Variants in SOCS2 observed in about 807,000 individuals in gnomAD.
SOCS2 encodes CIS-2.
A neutral mutation model predicts 18.6 loss-of-function variants in SOCS2; 10 were observed. That is an observed-to-expected ratio of 0.54 (90% CI 0.33 to 0.91). The LOEUF (loss-of-function observed/expected upper bound fraction) is 0.91, where lower values mean the gene tolerates loss of function less well. Ranked by LOEUF, SOCS2 falls within the 40% of genes least tolerant of loss-of-function variation. The probability of loss-of-function intolerance (pLI) is 0.02; values close to 1 mark genes in which losing one functional copy is unlikely to be tolerated. For missense variants in SOCS2, 231 were observed against 247.2 expected (o/e 0.93, Z 0.44); for synonymous variants, 104 against 104.0 (o/e 1.00, Z 0.00).
chr12:93,609,315 C>A, the SOCS2 span, among the ~76,000 whole-genome samples: 1 of 151,926 alleles, frequency 6.6e-6, no homozygotes, highest in Non-Finnish European at 1.5e-5. Flanking sequence ...TTGCTTGAAC[C>A]CGGGAGACAG....
chr12:93,605,596 C>T, the SOCS2 span, among the ~76,000 whole-genome samples: 8 of 152,182 alleles, frequency 5.3e-5, no homozygotes, highest in East Asian at 1.9e-4. Context: ...GCACCTCCTC[C>T]GCCAATCAGG....
chr12:93,616,503 A>G, the SOCS2 span, among the ~76,000 whole-genome samples: 2 of 152,172 alleles, frequency 1.3e-5, no homozygotes, highest in Non-Finnish European at 2.9e-5. Flanking sequence ...ACTTTCCACT[A>G]GTTAGCCTAA....
the SOCS2 span, among the ~76,000 whole-genome samples, chr12:93,604,964 A>AT: frequency 0.053 from 7,493 of 142,614 alleles, 470 homozygotes; most frequent in African/African-American, 0.15. Flanking sequence ...GCCGGCCTGG[A>AT]TTTTTTTTTT....
At chr12:93,609,380 GA>G in the SOCS2 span, among the ~76,000 whole-genome samples, 1 of 151,942 alleles carries the variant, frequency 6.6e-6, no homozygotes, top group African/African-American at 2.4e-5. Context: ...CAACAAGAGT[GA>G]AACTCCATCT....
At chr12:93,590,197 T>C in the SOCS2 span, among the ~76,000 whole-genome samples, 1 of 151,482 alleles carries the variant, frequency 6.6e-6, no homozygotes, top group African/African-American at 2.4e-5. Context: ...ATCGCGCCAC[T>C]GCACTCCAGA....
upstream of SOCS2, chr12:93,571,699 C>T (rs936481283): frequency 6.8e-4 from 194 of 286,278 alleles, no homozygotes; most frequent in African/African-American, 4.3e-3. Flanking sequence ...GTGCCCTCTG[C>T]GCACGGAACT....
the SOCS2 span, among the ~76,000 whole-genome samples, chr12:93,620,946 G>A: frequency 0.045 from 6,886 of 152,148 alleles, 169 homozygotes; most frequent in Non-Finnish European, 0.064. Flanking sequence ...CTATCCATTC[G>A]TCCAGCCATA....
the SOCS2 span, among the ~76,000 whole-genome samples, chr12:93,602,917 A>G: frequency 6.6e-6 from 1 of 152,174 alleles, no homozygotes; most frequent in South Asian, 2.1e-4. Flanking sequence ...GTAGTTTTCT[A>G]GGTGAAGTAG....
chr12:93,625,054 G>T, the SOCS2 span, among the ~76,000 whole-genome samples: 1 of 152,200 alleles, frequency 6.6e-6, no homozygotes, highest in Admixed American at 6.5e-5. Flanking sequence ...GAAGACCCCA[G>T]TGTTTTCCCC....
chr12:93,616,962 C>T, the SOCS2 span, among the ~76,000 whole-genome samples: 10 of 152,280 alleles, frequency 6.6e-5, no homozygotes, highest in Non-Finnish European at 1.3e-4. Flanking sequence ...CCTCTCATGA[C>T]TCACCTAAGG....
chr12:93,617,782 A>G, the SOCS2 span, among the ~76,000 whole-genome samples: 1 of 152,260 alleles, frequency 6.6e-6, no homozygotes, highest in Non-Finnish European at 1.5e-5. Flanking sequence ...TCAGAATCAC[A>G]GTGCAAGTTG....
chr12:93,597,944 A>G, the SOCS2 span, among the ~76,000 whole-genome samples: 8,587 of 152,284 alleles, frequency 0.056, 818 homozygotes, highest in African/African-American at 0.2. Context: ...AAAAATTCAC[A>G]TAAGTCAACA....
the SOCS2 span, among the ~76,000 whole-genome samples, chr12:93,595,568 C>T: frequency 1.3e-5 from 2 of 152,228 alleles, no homozygotes; most frequent in Non-Finnish European, 2.9e-5. Flanking sequence ...GCTCCTTCTC[C>T]TCTCACAGAT....
At position 93,574,916 on chromosome 12, in the gene SOCS2, G is replaced by A; in HGVS notation, c.334G>A (p.Val112Ile). 1 of 1,614,182 alleles carries A rather than the reference G, an allele frequency of 6.2e-7. No individual in the cohort carries two copies. The highest frequency in any genetic ancestry group is 8.5e-7 in the Non-Finnish European group (1 of 1,180,038). The change falls in exon 2 of 2, where the codon GTC becomes ATC. Residue 112 changes from valine (V) to isoleucine (I), a missense_variant. By Grantham distance (29) the Val-to-Ile change is conservative. Around this residue, in one of 3 missense-constraint regions of SOCS2, gnomAD observed 122 missense variants for 127.2 expected, o/e 0.96. Transcript: ENST00000551556. The part of the protein sequence containing the change: ...GKFRLDSIIC[V>I]KSKLKQFDSV... Reference sequence around the variant, plus strand: ...ATTCAGATTGGACTCTATCATATGTGTCAAATCCAAGCTTAAACAATTTGA... The same window carrying A: ...ATTCAGATTGGACTCTATCATATGTATCAAATCCAAGCTTAAACAATTTGA...
chr12:93,614,492 C>T, the SOCS2 span, among the ~76,000 whole-genome samples: 505 of 35,402 alleles, frequency 0.014, 31 homozygotes, highest in East Asian at 0.051. Context: ...TCCTTCCTTC[C>T]TTCCTTCCTT....
At chr12:93,592,407 G>A in the SOCS2 span, among the ~76,000 whole-genome samples, 1 of 152,158 alleles carries the variant, frequency 6.6e-6, no homozygotes, top group Non-Finnish European at 1.5e-5. Context: ...TATACAGGTT[G>A]TTCCCAGTTT....
At chr12:93,592,733 G>C in the SOCS2 span, among the ~76,000 whole-genome samples, 1 of 152,078 alleles carries the variant, frequency 6.6e-6, no homozygotes, top group East Asian at 1.9e-4. Context: ...CTAATTAATT[G>C]CCCTTGAAGT....
chr12:93,587,679 TAA>T (rs1015520754), downstream of SOCS2, among the ~76,000 whole-genome samples: 32 of 93,708 alleles, frequency 3.4e-4, no homozygotes, highest in Admixed American at 6.1e-4. Context: ...AGACTCTGTC[TAA>T]AAAAAAAAAA....
chr12:93,606,542 T>G, the SOCS2 span, among the ~76,000 whole-genome samples: 9 of 152,110 alleles, frequency 5.9e-5, no homozygotes, highest in African/African-American at 2.2e-4. Flanking sequence ...TTGGCCTCCT[T>G]GGGATTACCA....
Sources: allele counts gnomAD v4.1 joint callset (sites outside exome capture counted in the v4.1 genomes callset), GRCh38; gene constraint gnomAD v4.1.1; regional missense constraint gnomAD v4.1.1; transcripts MANE v1.5; gene names NCBI Gene and HGNC (gene_info 2026-07-23, HGNC 2026-07-21).